Variants in TNR observed in about 807,000 individuals in gnomAD.
TNR encodes tenascin R.
In TNR, 45 loss-of-function variants were observed where a neutral mutation model predicts 150.4. The observed-to-expected ratio is 0.30, with a 90% CI of 0.24 to 0.38. The LOEUF is 0.38. Ranked by LOEUF, TNR falls within the 10% of genes least tolerant of loss-of-function variation. TNR has a pLI of 1.00. For synonymous variants in TNR, 687 were observed against 678.4 expected (o/e 1.01, Z -0.20); for missense variants, 1,544 against 1,759.1 (o/e 0.88, Z 2.19).
At chr1:175,430,606 T>C (rs1655219686) in intron 2 of TNR, among the ~76,000 whole-genome samples, 1 of 152,222 alleles carries the variant, frequency 6.6e-6, no homozygotes, top group Non-Finnish European at 1.5e-5. Context: ...GAAAAACCAG[T>C]TCTTAGCGGT....
At chr1:175,437,332 G>A (rs952095079) in intron 2 of TNR, among the ~76,000 whole-genome samples, 1 of 152,178 alleles carries the variant, frequency 6.6e-6, no homozygotes, top group Non-Finnish European at 1.5e-5. Context: ...AAACCAATGA[G>A]AACAAAGACA....
At chr1:175,538,207 A>G (rs543464656) in intron 1 of TNR, among the ~76,000 whole-genome samples, 2 of 152,250 alleles carry the variant, frequency 1.3e-5, no homozygotes, top group East Asian at 3.9e-4. Flanking sequence ...CAACCTGTGG[A>G]AAATGGGAAG....
At chr1:175,555,515 G>GAA (rs56074366) in intron 1 of TNR, among the ~76,000 whole-genome samples, 6 of 127,900 alleles carry the variant, frequency 4.7e-5, no homozygotes, top group South Asian at 2.8e-4. Context: ...ACAACTGAGA[G>GAA]AAAAAAAAAA....
intron 2 of TNR, among the ~76,000 whole-genome samples, chr1:175,445,099 T>C (rs536537182): frequency 1.6e-3 from 243 of 152,160 alleles, no homozygotes; most frequent in African/African-American, 5.6e-3. Context: ...TGAAACCCCA[T>C]CTCTACTAAA....
At chr1:175,362,540 A>AAATCCTC in intron 14 of TNR, 123 bp downstream of exon 14, 1 of 1,215,486 alleles carries the variant, frequency 8.2e-7, no homozygotes, top group African/African-American at 1.5e-5. Context: ...TGCAAGACAC[A>AAATCCTC]GTGAGTTGGA....
chr1:175,490,439 C>T (rs1324047375), intron 2 of TNR, among the ~76,000 whole-genome samples: 1 of 152,162 alleles, frequency 6.6e-6, no homozygotes, highest in Non-Finnish European at 1.5e-5. Flanking sequence ...AACAGACAAC[C>T]TACTGAATGG....
At position 175,319,536 on chromosome 1, in the gene TNR, G is replaced by A. The variant is rs1178332293; in HGVS notation, c.*3821C>T. ...GCTTTGAAATATCAGGGTGCTGGTT[G>A]GTTCTCAGGTGGAAGGAAGCGGGGC... On this transcript the variant is annotated 3_prime_UTR_variant, in exon 23 of 23. Transcript: ENST00000367674. 1.3e-5 allele frequency: 2 copies of A among 152,398 alleles called. No homozygotes were observed. Among genetic ancestry groups the A allele is most frequent in the Non-Finnish European group, 2.9e-5 (2 of 68,058 alleles). 9.4% of individuals were successfully genotyped at this position (152,398 alleles called of 1,614,324 possible).
Position 175,323,320 on chromosome 1 carries a change from G to A in TNR, c.*37C>T, listed in dbSNP as rs1474466841. The A allele has an allele frequency of 1.2e-6, 2 of 1,608,464 alleles. No individual in the cohort carries two copies. The highest frequency in any genetic ancestry group is 1.1e-5 in the South Asian group (1 of 90,244). The stretch of plus-strand genomic sequence containing the variant: ...TTCATATTATAAAATACAAACAAAT[G>A]ACAGAAAATATTGGTTGGCTTGCAG... On this transcript the variant is annotated 3_prime_UTR_variant, in exon 23 of 23. Transcript: ENST00000367674.
At chr1:175,683,197 CTG>C (rs1035059106) in intron 1 of TNR, among the ~76,000 whole-genome samples, 2 of 152,264 alleles carry the variant, frequency 1.3e-5, no homozygotes, top group African/African-American at 4.8e-5. Flanking sequence ...TCCTTACTAA[CTG>C]TGCATGCACA....
intron 1 of TNR, among the ~76,000 whole-genome samples, chr1:175,642,373 A>G (rs925001412): frequency 6.6e-6 from 1 of 152,210 alleles, no homozygotes; most frequent in African/African-American, 2.4e-5. Context: ...CTGAAACTTA[A>G]TGTTAGAGGC....
intron 1 of TNR, among the ~76,000 whole-genome samples, chr1:175,601,233 G>A (rs1236243967): frequency 6.6e-6 from 1 of 152,372 alleles, no homozygotes; most frequent in East Asian, 1.9e-4. Flanking sequence ...TCTGCAGCGG[G>A]TAGAGTTTGG....
intron 2 of TNR, among the ~76,000 whole-genome samples, chr1:175,408,988 C>G (rs528313688): frequency 1.1e-4 from 17 of 152,136 alleles, no homozygotes. Context: ...GGTAAATAAA[C>G]CTTGGGGATA....
At chr1:175,614,953 C>T (rs1438074503) in intron 1 of TNR, among the ~76,000 whole-genome samples, 1 of 152,216 alleles carries the variant, frequency 6.6e-6, no homozygotes, top group Non-Finnish European at 1.5e-5. Flanking sequence ...CCGTGGAACT[C>T]CCTTCCTCTA....
intron 1 of TNR, among the ~76,000 whole-genome samples, chr1:175,703,082 G>A (rs1666744047): frequency 1.3e-5 from 2 of 151,912 alleles, no homozygotes; most frequent in African/African-American, 4.8e-5. Flanking sequence ...GGAAGGGAGG[G>A]AAGACAAAAA....
intron 1 of TNR, among the ~76,000 whole-genome samples, chr1:175,635,322 C>T (rs1280893216): frequency 6.6e-6 from 1 of 152,196 alleles, no homozygotes; most frequent in African/African-American, 2.4e-5. Flanking sequence ...TCTAATTTTT[C>T]TCTTTAAACT....
chr1:175,374,169 G>A (rs928391444), intron 9 of TNR, among the ~76,000 whole-genome samples: 18 of 152,168 alleles, frequency 1.2e-4, no homozygotes, highest in African/African-American at 4.3e-4. Context: ...ATTGAGTGCC[G>A]TGGTCAGTGC....
chr1:175,403,508 T>C lies in TNR; in HGVS notation c.608A>G (p.Tyr203Cys). 2 of 1,614,228 alleles carry C rather than the reference T, an allele frequency of 1.2e-6. No individual in the cohort carries two copies. The highest frequency in any genetic ancestry group is 1.1e-5 in the South Asian group (1 of 91,088). ...CCGGCTGGAGCAACCCAGCGGGCAG[T>C]AGGGCTCCGAGCAATTCTTGCCAAA... ...GWFGKNCSEP[Y>C]CPLGCSSRGV... Residue 203 changes from tyrosine (Y) to cysteine (C), a missense_variant, in exon 4 of 23, where the codon TAC becomes TGC. By Grantham distance (194) the Tyr-to-Cys change is radical (BLOSUM62 -2). Coordinates refer to ENST00000367674, the MANE Select transcript of TNR (RefSeq NM_003285.3).
intron 1 of TNR, among the ~76,000 whole-genome samples, chr1:175,543,106 G>C (rs541145087): frequency 6.6e-6 from 1 of 152,076 alleles, no homozygotes; most frequent in Non-Finnish European, 1.5e-5. Flanking sequence ...TTTTGCACCG[G>C]GCCCTGCAAA....
intron 1 of TNR, among the ~76,000 whole-genome samples, chr1:175,640,593 AC>A (rs2101880545): frequency 6.6e-6 from 1 of 152,196 alleles, no homozygotes; most frequent in South Asian, 2.1e-4. Context: ...ATGTGGAAGG[AC>A]CCAGGGTAAG....
Sources: allele counts gnomAD v4.1 joint callset (sites outside exome capture counted in the v4.1 genomes callset), GRCh38; gene constraint gnomAD v4.1.1; transcripts MANE v1.5; gene names NCBI Gene and HGNC (gene_info 2026-07-23, HGNC 2026-07-21).